Variants in EPHA2 observed in about 807,000 individuals in gnomAD.
EPHA2 encodes the protein ephrin type-A receptor 2.
A neutral mutation model predicts 104.9 loss-of-function variants in EPHA2; 54 were observed. That is an observed-to-expected ratio of 0.51 (90% CI 0.41 to 0.65). The LOEUF is 0.65. EPHA2 is among the 30% of genes least tolerant of loss of function. The probability of loss-of-function intolerance (pLI) is 0.00; values close to 1 mark genes in which losing one functional copy is unlikely to be tolerated. For synonymous variants in EPHA2, 560 were observed against 559.1 expected (o/e 1.00, Z -0.02); for missense variants, 1,117 against 1,369.5 (o/e 0.82, Z 2.91).
rs2124227507 is a variant in EPHA2 at position 16,138,122 on chromosome 1, C to T, written c.1043G>A (p.Trp348Ter). Residue 348 changes from tryptophan to a stop codon, truncating the protein, a stop_gained, in exon 5 of 17, where the codon TGG becomes TAG. Transcript: ENST00000358432. LOFTEE classifies it high-confidence loss of function. ...VGMGAKVELR[W>*]TPPQDSGGRE... is the part of the protein sequence containing the mutation. ...GCCCCCGCTGTCCTGAGGGGGCGTC[C>T]AGCGCAGCTCCACCTTGGCACCCAT... The T allele has an allele frequency of 6.2e-7, 1 of 1,609,232 alleles. No homozygotes were observed. The highest frequency in any genetic ancestry group is 8.5e-7 in the Non-Finnish European group (1 of 1,179,812).
At chr1:16,151,616 G>C (rs1271673352) in intron 1 of EPHA2, among the ~76,000 whole-genome samples, 1 of 152,180 alleles carries the variant, frequency 6.6e-6, no homozygotes, top group East Asian at 1.9e-4. Flanking sequence ...AAAAGCCACA[G>C]AGCAGGCAGG....
At chr1:16,145,173 C>G (rs1424286156) in intron 3 of EPHA2, among the ~76,000 whole-genome samples, 1 of 152,194 alleles carries the variant, frequency 6.6e-6, no homozygotes, top group African/African-American at 2.4e-5. Context: ...GCAGGGGCCC[C>G]GCCAGCTGCT....
Position 16,137,359 on chromosome 1 carries a change from G to C in EPHA2, c.1312+494C>G, listed in dbSNP as rs577034547. 1.7e-3 allele frequency among the ~76,000 whole-genome samples: 261 copies of C among 151,870 alleles called. 1 individual carries two copies. Among genetic ancestry groups the C allele is most frequent in the African/African-American group, 4.4e-3 (183 of 41,354 alleles). ...CACGCCTGTGATCTCAGCACTTTGG[G>C]AGGCCGAGGCGGGCGGATCGCAAGG... is the stretch of plus-strand genomic sequence containing the variant. On this transcript the variant is annotated intron_variant, in intron 5 of 16. Transcript: ENST00000358432.
In EPHA2 at chr1:16,134,277, G is replaced by T. The variant is rs952953860; in HGVS notation, c.1682+191C>A. 2.0e-5 allele frequency among the ~76,000 whole-genome samples: 3 copies of T among 152,024 alleles called. No individual in the cohort carries two copies. Among genetic ancestry groups the T allele is most frequent in the Non-Finnish European group, 4.4e-5 (3 of 68,008 alleles). On this transcript the variant is annotated intron_variant, in intron 8 of 16. Transcript: ENST00000358432. The surrounding 1 kb of genome is among the most constrained non-coding windows in gnomAD (Gnocchi z 4.5). ...AACAAGAGCAGAGGTAATGACCCCC[G>T]TGTCCCGGCCCCGCCGCGTGCCAGG...
At chr1:16,143,665 C>G (rs1413125214) in intron 3 of EPHA2, among the ~76,000 whole-genome samples, 3 of 152,140 alleles carry the variant, frequency 2.0e-5, no homozygotes, top group Admixed American at 6.5e-5. Flanking sequence ...CAGCCACCTC[C>G]CAGGCTGGCA....
Position 16,125,195 on chromosome 1 carries a change from G to A in EPHA2, c.*20C>T, listed in dbSNP as rs757836462. The A allele has an allele frequency of 2.5e-6, 4 of 1,609,150 alleles. No homozygotes were observed. The highest frequency in any genetic ancestry group is 3.4e-6 in the Non-Finnish European group (4 of 1,176,244). ...TCTTCAAGTATTCTTGGCCGATGGG[G>A]CTCCAGGCCCTGTCGAGGCTCAGAT... On this transcript the variant is annotated 3_prime_UTR_variant, in exon 17 of 17. Coordinates refer to ENST00000358432, the MANE Select transcript of EPHA2 (RefSeq NM_004431.5). The surrounding 1 kb of genome is among the most constrained non-coding windows in gnomAD (Gnocchi z 4.9).
chr1:16,138,576 G>T, intron 3 of EPHA2, 146 bp from the exon 4 acceptor site: 4 of 1,236,424 alleles, frequency 3.2e-6, no homozygotes, highest in Non-Finnish European at 4.6e-6. Flanking sequence ...TCGGCAAAAT[G>T]TCTTGTGATG....
At chr1:16,140,767 G>C (rs542770478) in intron 3 of EPHA2, among the ~76,000 whole-genome samples, 2 of 152,140 alleles carry the variant, frequency 1.3e-5, no homozygotes, top group African/African-American at 4.8e-5. Context: ...TACAGGCACC[G>C]GCCATCAAGC....
In EPHA2 at chr1:16,125,159, G is replaced by T; in HGVS notation, c.*56C>A. 1 of 1,510,136 alleles carries T rather than the reference G, an allele frequency of 6.6e-7. No individual in the cohort carries two copies. Among genetic ancestry groups the T allele is most frequent in the Non-Finnish European group, 9.1e-7 (1 of 1,093,120 alleles). 93.5% of individuals were successfully genotyped at this position (1,510,136 alleles called of 1,614,324 possible). A position where few individuals can be genotyped will look rare whatever the true frequency, so the allele number is the denominator to read the frequency against. The stretch of plus-strand genomic sequence containing the variant: ...TGGCCCAGCATGGCACAGCAGGGAG[G>T]CCACTCTGTTTCTTCAAGTATTCTT... On this transcript the variant is annotated 3_prime_UTR_variant, in exon 17 of 17. Coordinates refer to ENST00000358432, the MANE Select transcript of EPHA2 (RefSeq NM_004431.5). This position sits in a 1 kb window ranked among gnomAD's most constrained non-coding sequence, Gnocchi z 4.9.
intron 3 of EPHA2, among the ~76,000 whole-genome samples, chr1:16,145,247 G>A (rs555214780): frequency 2.4e-4 from 36 of 152,196 alleles, no homozygotes; most frequent in Non-Finnish European, 3.5e-4. Flanking sequence ...CGGTCAGCCC[G>A]AGCGACTCCA....
Position 16,133,231 on chromosome 1 carries a change from C to T in EPHA2, c.2002G>A (p.Gly668Ser). The T allele has an allele frequency of 6.2e-7, 1 of 1,613,852 alleles. No individual in the cohort carries two copies. Among genetic ancestry groups the T allele is most frequent in the Non-Finnish European group, 8.5e-7 (1 of 1,179,916 alleles). The change falls in exon 11 of 17, where the codon GGC becomes AGC. Residue 668 changes from glycine (G) to serine (S), a missense_variant. Transcript: ENST00000358432. ...ATGATGTTGTGGTGGCTGAACTGGCCCATGATGCCGGCCTCGCCGAGGAAG... is the reference window on the plus strand; with the variant it reads ...ATGATGTTGTGGTGGCTGAACTGGCTCATGATGCCGGCCTCGCCGAGGAAG... ...VDFLGEAGIMGQFSHHNIIRL... is the reference protein window; with the variant it reads ...VDFLGEAGIMSQFSHHNIIRL...
chr1:16,137,066 C>T (rs1557507613), intron 5 of EPHA2, among the ~76,000 whole-genome samples: 1 of 151,948 alleles, frequency 6.6e-6, no homozygotes, highest in Non-Finnish European at 1.5e-5. Context: ...TCCCAAAGTG[C>T]TGGGATTACA....
In EPHA2 at chr1:16,133,932, G is replaced by A. The variant is rs375560452; in HGVS notation, c.1683-17C>T. The A allele has an allele frequency of 4.5e-6, 7 of 1,550,670 alleles. No homozygotes were observed. The highest frequency in any genetic ancestry group is 6.1e-6 in the Non-Finnish European group (7 of 1,146,430). On this transcript the variant is annotated splice_polypyrimidine_tract_variant and intron_variant, in intron 8 of 16. Coordinates refer to ENST00000358432, the MANE Select transcript of EPHA2 (RefSeq NM_004431.5). Reference sequence around the variant, plus strand: ...TTCTTCCTCCTGAAAGAGCCCCACGGGGAACCAAATGCAGGGAGGTCAGTG... The same window carrying A: ...TTCTTCCTCCTGAAAGAGCCCCACGAGGAACCAAATGCAGGGAGGTCAGTG...
At chr1:16,149,257 C>T (rs761774585) in intron 2 of EPHA2, among the ~76,000 whole-genome samples, 3 of 152,138 alleles carry the variant, frequency 2.0e-5, no homozygotes, top group Non-Finnish European at 4.4e-5. Flanking sequence ...TGTCTGGAAG[C>T]CAAACCTCTC....
Position 16,134,284 on chromosome 1 carries a change from G to A in EPHA2, c.1682+184C>T, listed in dbSNP as rs2024638046. ...GCAGAGGTAATGACCCCCGTGTCCCGGCCCCGCCGCGTGCCAGGCACTTCG... is the reference window on the plus strand; with the variant it reads ...GCAGAGGTAATGACCCCCGTGTCCCAGCCCCGCCGCGTGCCAGGCACTTCG... On this transcript the variant is annotated intron_variant, in intron 8 of 16. Coordinates refer to ENST00000358432, the MANE Select transcript of EPHA2 (RefSeq NM_004431.5). The surrounding 1 kb of genome is among the most constrained non-coding windows in gnomAD (Gnocchi z 4.5). Among the ~76,000 whole-genome samples the A allele has an allele frequency of 6.6e-6, 1 of 152,008 alleles. No individual in the cohort carries two copies. Among genetic ancestry groups the A allele is most frequent in the African/African-American group, 2.4e-5 (1 of 41,388 alleles).
chr1:16,132,962 C>A (rs564082040), intron 11 of EPHA2: 1 of 531,318 alleles, frequency 1.9e-6, no homozygotes, highest in South Asian at 2.0e-5. Context: ...GAGGTGGGCA[C>A]GGGTGTAAGG....
In EPHA2 at chr1:16,148,544, A is replaced by G. The variant is rs1178037447; in HGVS notation, c.657T>C (p.Asp219=). Residue 219 remains aspartate, a synonymous_variant, in exon 3 of 17, where the codon GAT becomes GAC. Transcript: ENST00000358432. The surrounding 1 kb of genome is among the most constrained non-coding windows in gnomAD (Gnocchi z 4.9). ...CGGCCACAGTGGCCAGGGAAGGTGC[A>G]TCAGAGCCGGCGATGGTCTCAGGGA... The part of the protein sequence containing the change: ...AHFPETIAGS[D]APSLATVAGT... 1.2e-6 allele frequency: 2 copies of G among 1,613,188 alleles called. No homozygotes were observed. The highest frequency in any genetic ancestry group is 1.7e-6 in the Non-Finnish European group (2 of 1,180,004).
rs2025015931 is a variant in EPHA2 at position 16,150,636 on chromosome 1, TA to T, written c.153+259del. Among the ~76,000 whole-genome samples, 2 of 152,196 alleles carry T rather than the reference TA, an allele frequency of 1.3e-5. No individual in the cohort carries two copies. The highest frequency in any genetic ancestry group is 3.9e-4 in the East Asian group (2 of 5,188). On this transcript the variant is annotated intron_variant, in intron 2 of 16. Coordinates refer to ENST00000358432, the MANE Select transcript of EPHA2 (RefSeq NM_004431.5). The surrounding 1 kb of genome is among the most constrained non-coding windows in gnomAD (Gnocchi z 4.8). The stretch of plus-strand genomic sequence containing the variant: ...TGGAACATGGAAGGCCCAGCTCCGC[TA>T]GGGCCTTCTCTGTCTCCCCAGTTCC...
At chr1:16,137,410 G>A (rs1201622578) in intron 5 of EPHA2, among the ~76,000 whole-genome samples, 6 of 151,824 alleles carry the variant, frequency 4.0e-5, no homozygotes, top group African/African-American at 1.5e-4. Context: ...CAGCCTGGCC[G>A]ACATAGTGAA....
Sources: gnomAD v4.1 joint callset for allele counts (sites outside exome capture counted in the v4.1 genomes callset) on GRCh38, gnomAD v4.1.1 for gene constraint, Gnocchi (gnomAD v3.1) non-coding constraint, MANE v1.5 for transcripts, NCBI Gene and HGNC (gene_info 2026-07-23, HGNC 2026-07-21) for gene names.